NOL4: variants seen among roughly 807,000 people sequenced by gnomAD.
The protein encoded by NOL4 is cancer/testis antigen 125.
A neutral mutation model predicts 75.9 loss-of-function variants in NOL4; 17 were observed. That is an observed-to-expected ratio of 0.22 (90% CI 0.15 to 0.34). The LOEUF (loss-of-function observed/expected upper bound fraction) is 0.34. Among genes scored for constraint, NOL4 ranks in the 10% least tolerant of loss-of-function variants. The pLI is 1.00. For synonymous variants in NOL4, 292 were observed against 289.9 expected, an observed-to-expected ratio of 1.01 and a Z score of -0.07; for missense variants, 614 against 793.5, an observed-to-expected ratio of 0.77 and a Z score of 2.72.
At chr18:34,201,347 C>T (rs984751886) in intron 1 of NOL4, among the ~76,000 whole-genome samples, 3 of 151,728 alleles carry the variant, frequency 2.0e-5, no homozygotes, top group African/African-American at 7.2e-5. Flanking sequence ...CATTAAGTAA[C>T]TTGCCACAAG....
At chr18:34,124,436 T>C (rs145759109) in intron 2 of NOL4, among the ~76,000 whole-genome samples, 2 of 152,336 alleles carry the variant, frequency 1.3e-5, no homozygotes, top group African/African-American at 4.8e-5. Context: ...TATTTCAAAA[T>C]ATACTCCAAC....
intron 6 of NOL4, among the ~76,000 whole-genome samples, chr18:33,966,144 G>C (rs1420844801): frequency 6.6e-6 from 1 of 152,048 alleles, no homozygotes; most frequent in Admixed American, 6.6e-5. Flanking sequence ...CACATGATTG[G>C]ATGAATCCAC....
chr18:34,036,281 G>T (rs1207933369), intron 5 of NOL4, among the ~76,000 whole-genome samples: 3 of 152,050 alleles, frequency 2.0e-5, no homozygotes, highest in Admixed American at 6.6e-5. Context: ...ACCATGATCA[G>T]ATGAGATTTA....
At chr18:34,018,538 T>C (rs2074842775) in intron 6 of NOL4, among the ~76,000 whole-genome samples, 1 of 152,148 alleles carries the variant, frequency 6.6e-6, no homozygotes, top group Non-Finnish European at 1.5e-5. Context: ...AGGTAAGGGC[T>C]GGGGAAGGCA....
At chr18:33,877,900 G>A (rs1599713693) in intron 10 of NOL4, among the ~76,000 whole-genome samples, 1 of 151,862 alleles carries the variant, frequency 6.6e-6, no homozygotes, top group East Asian at 1.9e-4. Context: ...CTATGAGAGT[G>A]TATATCTATA....
chr18:34,069,588 T>C (rs1409307911), intron 5 of NOL4, among the ~76,000 whole-genome samples: 2 of 152,092 alleles, frequency 1.3e-5, no homozygotes, highest in Non-Finnish European at 2.9e-5. Context: ...CATTTAGGCA[T>C]ATCATAGGCA....
At chr18:34,081,171 C>G (rs1350890283) in intron 5 of NOL4, among the ~76,000 whole-genome samples, 2 of 152,098 alleles carry the variant, frequency 1.3e-5, no homozygotes, top group Non-Finnish European at 2.9e-5. Context: ...TTCTCAGGAC[C>G]ACAATATCTT....
chr18:33,936,557 A>G (rs552360888), intron 9 of NOL4, among the ~76,000 whole-genome samples: 4 of 152,048 alleles, frequency 2.6e-5, no homozygotes, highest in Non-Finnish European at 5.9e-5. Flanking sequence ...CAATGGTGTC[A>G]CATCACAGTC....
chr18:34,075,990 T>C (rs2077728335), intron 5 of NOL4, among the ~76,000 whole-genome samples: 1 of 152,118 alleles, frequency 6.6e-6, no homozygotes, highest in African/African-American at 2.4e-5. Context: ...GGAGTATAAA[T>C]TTTTTATAAG....
At chr18:33,989,879 T>A (rs535678898) in intron 6 of NOL4, among the ~76,000 whole-genome samples, 1 of 152,106 alleles carries the variant, frequency 6.6e-6, no homozygotes, top group Admixed American at 6.6e-5. Flanking sequence ...TTAAACAACG[T>A]ATAACTCCTT....
At chr18:33,988,484 T>C (rs2072651563) in intron 6 of NOL4, among the ~76,000 whole-genome samples, 1 of 152,110 alleles carries the variant, frequency 6.6e-6, no homozygotes, top group African/African-American at 2.4e-5. Context: ...TGTAAGAAGA[T>C]GCAGGAGAGG....
chr18:34,042,317 C>T (rs1250573383), intron 5 of NOL4, among the ~76,000 whole-genome samples: 1 of 151,938 alleles, frequency 6.6e-6, no homozygotes, highest in African/African-American at 2.4e-5. Context: ...ATCCCTCCCA[C>T]CAAACCCCTT....
intron 10 of NOL4, among the ~76,000 whole-genome samples, chr18:33,869,907 A>G (rs2063611692): frequency 6.6e-6 from 1 of 152,078 alleles, no homozygotes; most frequent in Admixed American, 6.6e-5. Context: ...ATTTTCGTGA[A>G]CCTAGACAGC....
chr18:34,134,093 A>G (rs2145931213), intron 1 of NOL4, among the ~76,000 whole-genome samples: 1 of 152,202 alleles, frequency 6.6e-6, no homozygotes, highest in African/African-American at 2.4e-5. Flanking sequence ...AAACAGCAAT[A>G]GTTATAACAA....
chr18:34,016,985 G>A (rs2074734942), intron 6 of NOL4, among the ~76,000 whole-genome samples: 1 of 152,044 alleles, frequency 6.6e-6, no homozygotes, highest in Non-Finnish European at 1.5e-5. Flanking sequence ...TCATACTGAG[G>A]TCAGAATGGA....
At chr18:34,110,296 G>T (rs1416075176) in intron 2 of NOL4, among the ~76,000 whole-genome samples, 2 of 151,808 alleles carry the variant, frequency 1.3e-5, no homozygotes, top group African/African-American at 2.4e-5. Flanking sequence ...ACAAAAACTA[G>T]CAAACAAAAT....
At chr18:33,976,016 GA>G (rs1169312397) in intron 6 of NOL4, among the ~76,000 whole-genome samples, 1 of 152,158 alleles carries the variant, frequency 6.6e-6, no homozygotes, top group African/African-American at 2.4e-5. Context: ...CATCTTATGA[GA>G]AAGAGTTTTT....
chr18:34,221,722 T>C (rs1003947121), intron 1 of NOL4: 10 of 278,768 alleles, frequency 3.6e-5, no homozygotes, highest in Middle Eastern at 9.7e-4. Context: ...AACAACTATT[T>C]CTAATTAATC....
chr18:33,983,874 T>C (rs2072204503), intron 6 of NOL4, among the ~76,000 whole-genome samples: 1 of 151,978 alleles, frequency 6.6e-6, no homozygotes, highest in Non-Finnish European at 1.5e-5. Flanking sequence ...AAAAGTCAAA[T>C]ATTGACAATT....
Sources: allele counts gnomAD v4.1 joint callset (sites outside exome capture counted in the v4.1 genomes callset), GRCh38; gene constraint gnomAD v4.1.1; transcripts MANE v1.5; gene names NCBI Gene and HGNC (gene_info 2026-07-23, HGNC 2026-07-21).